AHCYL2: variants seen among roughly 807,000 people sequenced by gnomAD.
AHCYL2 encodes the protein adenosylhomocysteinase like 2.
A neutral mutation model predicts 81.4 loss-of-function variants in AHCYL2; 28 were observed. The observed-to-expected ratio is 0.34, with a 90% confidence interval of 0.25 to 0.47. The LOEUF is 0.47. Among genes scored for constraint, AHCYL2 ranks in the 20% least tolerant of loss-of-function variants. The pLI is 1.00. For synonymous variants in AHCYL2, 272 were observed against 290.2 expected (o/e 0.94, Z 0.64); for missense variants, 551 against 785.1 (o/e 0.70, Z 3.56).
At chr7:129,321,772 G>GTTTTTTTTTTTTTT (rs1217148394) in intron 1 of AHCYL2, among the ~76,000 whole-genome samples, 24 of 114,364 alleles carry the variant, frequency 2.1e-4, no homozygotes, top group East Asian at 2.6e-4. Flanking sequence ...TTTGGTCTTG[G>GTTTTTTTTTTTTTT]TTTTGTTTTT....
chr7:129,369,042 C>G (rs1412964364), intron 1 of AHCYL2, among the ~76,000 whole-genome samples: 2 of 152,164 alleles, frequency 1.3e-5, no homozygotes, highest in African/African-American at 4.8e-5. Flanking sequence ...CCTATTTCCC[C>G]CCCAGCTATC....
chr7:129,277,571 C>A lies in AHCYL2; in HGVS notation c.363+52132C>A, dbSNP rs113410642. 6.5e-3 allele frequency among the ~76,000 whole-genome samples: 982 copies of A among 152,200 alleles called. 11 individuals are homozygous for A. Among genetic ancestry groups the A allele is most frequent in the African/African-American group, 0.022 (934 of 41,516 alleles). Reference sequence around the variant, plus strand: ...CTAGGATTACAGGCGTGAGCCACTGCGCCTGGCCTCTCCTGTCTCTACCAC... The same window carrying A: ...CTAGGATTACAGGCGTGAGCCACTGAGCCTGGCCTCTCCTGTCTCTACCAC... On this transcript the variant is annotated intron_variant, in intron 1 of 16. Coordinates refer to ENST00000325006, the MANE Select transcript of AHCYL2 (RefSeq NM_015328.4).
At chr7:129,300,901 C>T (rs1025786976) in intron 1 of AHCYL2, among the ~76,000 whole-genome samples, 2 of 152,180 alleles carry the variant, frequency 1.3e-5, no homozygotes, top group African/African-American at 4.8e-5. Context: ...GTGGCACAAT[C>T]TCAGCTCACT....
intron 13 of AHCYL2, among the ~76,000 whole-genome samples, chr7:129,423,616 C>T (rs1342080841): frequency 6.6e-6 from 1 of 152,154 alleles, no homozygotes; most frequent in African/African-American, 2.4e-5. Context: ...TTCTCTTCTT[C>T]AGAGAAAGAT....
At chr7:129,299,366 C>CTTGTT (rs1797169756) in intron 1 of AHCYL2, among the ~76,000 whole-genome samples, 1 of 83,764 alleles carries the variant, frequency 1.2e-5, no homozygotes, top group Non-Finnish European at 2.3e-5. Flanking sequence ...GAGAGTCCAA[C>CTTGTT]TTGTTTTTTT....
At chr7:129,336,671 A>G (rs1198915080) in intron 1 of AHCYL2, among the ~76,000 whole-genome samples, 1 of 152,164 alleles carries the variant, frequency 6.6e-6, no homozygotes, top group African/African-American at 2.4e-5. Flanking sequence ...AGTGCAGGTG[A>G]GCAGTGAGAT....
chr7:129,368,381 T>C lies in AHCYL2; in HGVS notation c.364-11257T>C. ...GGGATGCAGCTTCTGCTAGCCACTG[T>C]GAACTTCTGAATCTCACTAGGGTTG... On this transcript the variant is annotated intron_variant, in intron 1 of 16. Transcript: ENST00000325006. This position sits in a 1 kb window ranked among gnomAD's most constrained non-coding sequence, Gnocchi z 4.4. 1 of 1,554,178 alleles carries C rather than the reference T, an allele frequency of 6.4e-7. No homozygotes were observed.
chr7:129,382,891 A>G (rs1795031474), intron 2 of AHCYL2, among the ~76,000 whole-genome samples: 1 of 152,184 alleles, frequency 6.6e-6, no homozygotes, highest in East Asian at 1.9e-4. Flanking sequence ...GGGCAACAAG[A>G]GTGAAACTAT....
At chr7:129,410,138 G>C in intron 11 of AHCYL2, 1 of 1,586,716 alleles carries the variant, frequency 6.3e-7, no homozygotes, top group South Asian at 1.1e-5. Flanking sequence ...TCCAAATTGA[G>C]ATGAACGATT....
intron 11 of AHCYL2, among the ~76,000 whole-genome samples, chr7:129,412,018 A>T (rs1277307823): frequency 6.6e-6 from 1 of 152,110 alleles, no homozygotes; most frequent in Non-Finnish European, 1.5e-5. Context: ...GGTGTATAGT[A>T]AGAGTAGAAT....
chr7:129,336,935 G>T (rs1400065947), intron 1 of AHCYL2, among the ~76,000 whole-genome samples: 1 of 151,936 alleles, frequency 6.6e-6, no homozygotes, highest in Non-Finnish European at 1.5e-5. Flanking sequence ...TTGTAAAGAC[G>T]GGTGTCTCAT....
rs763503462 is a variant in AHCYL2, at chr7:129,225,245, G to T, written c.169G>T (p.Ala57Ser). 2.0e-5 allele frequency: 30 copies of T among 1,468,588 alleles called. No individual in the cohort carries two copies. The Middle Eastern group carries it at 1.6e-3, about 77-fold the overall frequency. 91.0% of individuals were successfully genotyped at this position (1,468,588 alleles called of 1,614,324 possible). A position where few individuals can be genotyped will look rare whatever the true frequency, so the allele number is the denominator to read the frequency against. The change falls in exon 1 of 17, where the codon GCG becomes TCG. Residue 57 changes from alanine to serine, a missense_variant. This residue lies in a region of AHCYL2 where 235 missense variants were observed against 242.1 expected (regional missense o/e 0.97). Transcript: ENST00000325006. The part of the protein sequence containing the change: ...GGDPEAPAPA[A>S]ERPPVPGPGS... ...AGACCCTGAGGCTCCAGCTCCCGCC[G>T]CGGAGCGGCCCCCGGTCCCCGGCCC...
chr7:129,337,808 A>G (rs1333759109), intron 1 of AHCYL2, among the ~76,000 whole-genome samples: 1 of 152,186 alleles, frequency 6.6e-6, no homozygotes. Context: ...CAATGGCACA[A>G]TCCTGGCTCA....
At position 129,349,304 on chromosome 7, in the gene AHCYL2, A is replaced by G. The variant is rs115069245; in HGVS notation, c.364-30334A>G. Among the ~76,000 whole-genome samples the G allele has an allele frequency of 4.0e-3, 608 of 152,104 alleles. 6 individuals carry two copies. The highest frequency in any genetic ancestry group is 0.014 in the African/African-American group (579 of 41,488). ...TAGGTAGAGACCTAAATCTTGACTGAGGGATAAAATTGGAGGTTTGTATAT... is the reference window on the plus strand; with the variant it reads ...TAGGTAGAGACCTAAATCTTGACTGGGGGATAAAATTGGAGGTTTGTATAT... On this transcript the variant is annotated intron_variant, in intron 1 of 16. Transcript: ENST00000325006.
intron 1 of AHCYL2, among the ~76,000 whole-genome samples, chr7:129,274,617 C>T (rs892652660): frequency 1.3e-5 from 2 of 152,142 alleles, no homozygotes; most frequent in African/African-American, 4.8e-5. Flanking sequence ...CTTTCTGGGA[C>T]TTCAGAGGCT....
intron 1 of AHCYL2, among the ~76,000 whole-genome samples, chr7:129,249,445 G>C (rs966078882): frequency 1.3e-5 from 2 of 151,242 alleles, no homozygotes; most frequent in Non-Finnish European, 2.9e-5. Flanking sequence ...TTGAGACGGA[G>C]TCTTGCTCTG....
intron 2 of AHCYL2, among the ~76,000 whole-genome samples, chr7:129,382,007 C>T (rs1277985574): frequency 1.3e-5 from 2 of 152,100 alleles, no homozygotes; most frequent in Non-Finnish European, 2.9e-5. Context: ...CCCTTTTAAA[C>T]AGACTCTGAC....
At chr7:129,261,961 G>A (rs1795657966) in intron 1 of AHCYL2, among the ~76,000 whole-genome samples, 1 of 152,154 alleles carries the variant, frequency 6.6e-6, no homozygotes, top group South Asian at 2.1e-4. Context: ...AATAAGAGTT[G>A]AATAGGTTTG....
intron 1 of AHCYL2, among the ~76,000 whole-genome samples, chr7:129,318,036 A>G (rs1246886914): frequency 1.3e-5 from 2 of 152,192 alleles, no homozygotes; most frequent in Admixed American, 6.5e-5. Flanking sequence ...TTTATTTTCT[A>G]ATGGCTCTTT....
Sources: gnomAD v4.1 joint callset for allele counts (sites outside exome capture counted in the v4.1 genomes callset) on GRCh38, gnomAD v4.1.1 for gene constraint, gnomAD v4.1.1 regional missense constraint, Gnocchi (gnomAD v3.1) non-coding constraint, MANE v1.5 for transcripts, NCBI Gene and HGNC (gene_info 2026-07-23, HGNC 2026-07-21) for gene names.